The following GPC5 variants were observed in gnomAD, a reference collection of about 807,000 sequenced individuals.
GPC5 encodes glypican-5.
A neutral mutation model predicts 53.9 loss-of-function variants in GPC5; 47 were observed. The observed-to-expected ratio is 0.87, with a 90% CI of 0.69 to 1.11. The LOEUF (loss-of-function observed/expected upper bound fraction) is 1.11, where lower values mean the gene tolerates loss of function less well. Ranked by LOEUF, GPC5 falls within the 50% of genes most tolerant of loss-of-function variation. The pLI is 0.00. For synonymous variants in GPC5, 286 were observed against 263.3 expected (o/e 1.09, Z -0.84); for missense variants, 748 against 713.1 (o/e 1.05, Z -0.56).
At chr13:92,826,291 C>T (rs78665720) in intron 7 of GPC5, among the ~76,000 whole-genome samples, 2 of 152,106 alleles carry the variant, frequency 1.3e-5, no homozygotes, top group Admixed American at 6.6e-5. Flanking sequence ...CAAAGAGGAA[C>T]GTGGTCTTTC....
At chr13:92,422,695 C>G (rs922351116) in intron 7 of GPC5, among the ~76,000 whole-genome samples, 3 of 152,060 alleles carry the variant, frequency 2.0e-5, no homozygotes, top group African/African-American at 7.2e-5. Flanking sequence ...TCAGTGAACC[C>G]TCCAGAAAAG....
chr13:92,741,588 T>A (rs1441765849), intron 7 of GPC5, among the ~76,000 whole-genome samples: 1 of 152,004 alleles, frequency 6.6e-6, no homozygotes, highest in Admixed American at 6.6e-5. Context: ...GCTAAAATAT[T>A]TTTTGTTTTT....
At chr13:92,484,766 C>T (rs1022960061) in intron 7 of GPC5, 1 of 151,882 alleles carries the variant, frequency 6.6e-6, no homozygotes, top group South Asian at 2.1e-4. Flanking sequence ...ACAGAGTCTC[C>T]TTCTGTCACT....
At chr13:92,223,925 T>C (rs2042466660) in intron 7 of GPC5, among the ~76,000 whole-genome samples, 1 of 152,066 alleles carries the variant, frequency 6.6e-6, no homozygotes, top group African/African-American at 2.4e-5. Flanking sequence ...ATTCCAAGAA[T>C]ATAAGAGGAA....
At chr13:91,847,079 T>G (rs943824392) in intron 5 of GPC5, among the ~76,000 whole-genome samples, 1 of 151,218 alleles carries the variant, frequency 6.6e-6, no homozygotes, top group Admixed American at 6.6e-5. Context: ...ATTAGCCGGG[T>G]GCGGTGGCGG....
chr13:92,136,658 CATT>C (rs1479818644), intron 6 of GPC5, among the ~76,000 whole-genome samples: 2 of 152,126 alleles, frequency 1.3e-5, no homozygotes, highest in Non-Finnish European at 2.9e-5. Context: ...GGAGATGTAT[CATT>C]ATGTATACTG....
chr13:91,849,244 A>G (rs1450853692), intron 5 of GPC5, among the ~76,000 whole-genome samples: 3 of 152,238 alleles, frequency 2.0e-5, no homozygotes, highest in African/African-American at 4.8e-5. Context: ...CCCTTTTAGT[A>G]TGATGACATG....
intron 1 of GPC5, among the ~76,000 whole-genome samples, chr13:91,445,471 T>G (rs1880728601): frequency 6.6e-6 from 1 of 152,090 alleles, no homozygotes; most frequent in Non-Finnish European, 1.5e-5. Context: ...CTTATCAGTT[T>G]GTTTATTTGT....
intron 7 of GPC5, among the ~76,000 whole-genome samples, chr13:92,326,638 C>T (rs1209820731): frequency 1.3e-5 from 2 of 152,114 alleles, no homozygotes; most frequent in Non-Finnish European, 2.9e-5. Flanking sequence ...TCCTTTTCCA[C>T]TTGCTTCTAC....
intron 7 of GPC5, among the ~76,000 whole-genome samples, chr13:92,398,243 A>C (rs1237542242): frequency 3.3e-5 from 5 of 151,018 alleles, no homozygotes; most frequent in African/African-American, 9.8e-5. Context: ...TCCCGGCTAA[A>C]ACGGTGAAAC....
intron 2 of GPC5, among the ~76,000 whole-genome samples, chr13:91,532,759 G>A (rs772622548): frequency 3.3e-5 from 5 of 151,990 alleles, no homozygotes; most frequent in Admixed American, 1.3e-4. Context: ...CCAGCTACTC[G>A]GGAGGCTGAC....
At chr13:91,579,292 G>C (rs1470378058) in intron 2 of GPC5, among the ~76,000 whole-genome samples, 2 of 151,906 alleles carry the variant, frequency 1.3e-5, no homozygotes, top group Non-Finnish European at 2.9e-5. Context: ...TTTGCTCTTT[G>C]AAAACTCAAA....
At chr13:91,401,192 TTGATA>T (rs1469364851) in intron 1 of GPC5, among the ~76,000 whole-genome samples, 2 of 152,220 alleles carry the variant, frequency 1.3e-5, no homozygotes, top group African/African-American at 4.8e-5. Flanking sequence ...ATATAGGAAT[TTGATA>T]TAATTCTGAA....
chr13:92,228,288 A>G (rs2042503733), intron 7 of GPC5, among the ~76,000 whole-genome samples: 3 of 152,128 alleles, frequency 2.0e-5, no homozygotes, highest in Non-Finnish European at 1.5e-5. Flanking sequence ...AATGAAACCA[A>G]TACTTATATA....
chr13:92,565,116 C>A (rs1245335167), intron 7 of GPC5, among the ~76,000 whole-genome samples: 2 of 151,856 alleles, frequency 1.3e-5, no homozygotes, highest in Admixed American at 1.3e-4. Context: ...TCCACTAATA[C>A]CTAAAGTATT....
chr13:91,472,229 A>C (rs556191892), intron 2 of GPC5, among the ~76,000 whole-genome samples: 2 of 152,024 alleles, frequency 1.3e-5, no homozygotes, highest in Non-Finnish European at 2.9e-5. Context: ...AGTTAATGTG[A>C]TTTTTGTTTT....
chr13:92,242,498 T>G (rs1193570026), intron 7 of GPC5, among the ~76,000 whole-genome samples: 1 of 152,096 alleles, frequency 6.6e-6, no homozygotes, highest in African/African-American at 2.4e-5. Context: ...ATCTTCTTCA[T>G]TTTTTAATCT....
At chr13:91,428,199 AGT>A (rs1879190439) in intron 1 of GPC5, among the ~76,000 whole-genome samples, 1 of 152,094 alleles carries the variant, frequency 6.6e-6, no homozygotes, top group Admixed American at 6.5e-5. Flanking sequence ...GTGAGTTGTG[AGT>A]TCTTGTCTCA....
intron 7 of GPC5, among the ~76,000 whole-genome samples, chr13:92,802,423 T>A (rs1424422151): frequency 2.6e-5 from 4 of 151,858 alleles, no homozygotes; most frequent in Non-Finnish European, 5.9e-5. Context: ...ATTTGTTGTT[T>A]ATATATTTAT....
Sources: gnomAD v4.1 joint callset for allele counts (sites outside exome capture counted in the v4.1 genomes callset) on GRCh38, gnomAD v4.1.1 for gene constraint, MANE v1.5 for transcripts, NCBI Gene and HGNC (gene_info 2026-07-23, HGNC 2026-07-21) for gene names.